The following GSN variants were observed in gnomAD, a reference collection of about 807,000 sequenced individuals.
GSN encodes the protein actin-depolymerizing factor.
In GSN, 56 loss-of-function variants were observed where a neutral mutation model predicts 85.7. The observed-to-expected ratio is 0.65, with a 90% CI of 0.53 to 0.82. GSN has a LOEUF of 0.82. Ranked by LOEUF, GSN falls within the 40% of genes least tolerant of loss-of-function variation. GSN has a pLI of 0.00. For missense variants in GSN, 857 were observed against 979.8 expected, an observed-to-expected ratio of 0.87 and a Z score of 1.67; for synonymous variants, 373 against 399.1, an observed-to-expected ratio of 0.93 and a Z score of 0.78.
rs766040410 is a variant in GSN at position 121,318,889 on chromosome 9, A to G, written c.1191+9A>G. On this transcript the variant is annotated intron_variant, in intron 10 of 17. Coordinates refer to ENST00000432226, the MANE Select transcript of GSN (RefSeq NM_198252.3). This position sits in a 1 kb window ranked among gnomAD's most constrained non-coding sequence, Gnocchi z 4.3. Reference sequence around the variant, plus strand: ...GCACAGGCCAGAAACAGGTACGTTTAGGGCGTGGGGTGGGTGTGTCCAGGC... The same window carrying G: ...GCACAGGCCAGAAACAGGTACGTTTGGGGCGTGGGGTGGGTGTGTCCAGGC... The G allele has an allele frequency of 1.9e-6, 3 of 1,608,530 alleles. No homozygotes were observed. Among genetic ancestry groups the G allele is most frequent in the Non-Finnish European group, 2.6e-6 (3 of 1,175,228 alleles).
At chr9:121,289,151 A>C (rs998030916) in intron 2 of GSN, among the ~76,000 whole-genome samples, 1 of 151,728 alleles carries the variant, frequency 6.6e-6, no homozygotes, top group Non-Finnish European at 1.5e-5. Context: ...CTCCTCACAA[A>C]GGCAGTCTGT....
chr9:121,236,377 G>A (rs2054492861), intron 5 of GSN, among the ~76,000 whole-genome samples: 1 of 151,800 alleles, frequency 6.6e-6, no homozygotes, highest in Non-Finnish European at 1.5e-5. Context: ...ACGCTACCAC[G>A]GCCGGCAAAT....
chr9:121,252,533 C>T (rs1342991992), intron 6 of GSN, among the ~76,000 whole-genome samples: 1 of 152,230 alleles, frequency 6.6e-6, no homozygotes, highest in Non-Finnish European at 1.5e-5. Context: ...GGAGGAACCA[C>T]ATGACTAGTT....
At chr9:121,236,687 A>C (rs2054500319) in intron 5 of GSN, among the ~76,000 whole-genome samples, 1 of 152,186 alleles carries the variant, frequency 6.6e-6, no homozygotes, top group Admixed American at 6.5e-5. Flanking sequence ...GAACAGAGAG[A>C]CCAAACAGTC....
At chr9:121,221,648 G>T (rs2054172078) in intron 4 of GSN, among the ~76,000 whole-genome samples, 2 of 152,150 alleles carry the variant, frequency 1.3e-5, no homozygotes, top group African/African-American at 4.8e-5. Flanking sequence ...CCCTCTGCCG[G>T]TTCCCTCCCC....
chr9:121,275,875 A>G (rs931010710), intron 1 of GSN, among the ~76,000 whole-genome samples: 14 of 152,230 alleles, frequency 9.2e-5, no homozygotes, highest in African/African-American at 3.4e-4. Flanking sequence ...GGGTTGCCTT[A>G]TTTAGCAAAT....
At chr9:121,207,903 T>A (rs1299936388) in intron 1 of GSN, 1 of 150,492 alleles carries the variant, frequency 6.6e-6, no homozygotes, top group African/African-American at 2.4e-5. Flanking sequence ...TACAGGTACG[T>A]ACCACCACAT....
upstream of GSN, among the ~76,000 whole-genome samples, chr9:121,267,362 G>A (rs955165813): frequency 3.3e-5 from 5 of 152,160 alleles, no homozygotes; most frequent in African/African-American, 1.2e-4. Flanking sequence ...TCCTAAAACA[G>A]TATCTGCCAT....
Position 121,324,571 on chromosome 9 carries a change from C to T in GSN, c.1343C>T (p.Thr448Ile). 1.3e-6 allele frequency: 2 copies of T among 1,539,140 alleles called. No homozygotes were observed. The highest frequency in any genetic ancestry group is 4.9e-5 in the East Asian group (2 of 40,952). Residue 448 changes from threonine to isoleucine, a missense_variant, in exon 12 of 18, where the codon ACC (threonine) becomes ATC (isoleucine). By Grantham distance (89) the Thr-to-Ile change is moderately conservative. Coordinates refer to ENST00000432226, the MANE Select transcript of GSN (RefSeq NM_198252.3). ...IIYNWQGAQS[T>I]QDEVAASAIL... Reference sequence around the variant, plus strand: ...CCTTCCAGGCAGGGTGCCCAGTCTACCCAGGATGAGGTCGCTGCATCTGCC... The same window carrying T: ...CCTTCCAGGCAGGGTGCCCAGTCTATCCAGGATGAGGTCGCTGCATCTGCC...
chr9:121,258,355 C>G (rs919452465), intron 6 of GSN, among the ~76,000 whole-genome samples: 2 of 152,026 alleles, frequency 1.3e-5, no homozygotes, highest in African/African-American at 2.4e-5. Context: ...CTCAGCTACT[C>G]AGGAGGCTGA....
chr9:121,299,692 C>T lies in GSN; in HGVS notation c.-9-2271C>T, dbSNP rs1265734825. On this transcript the variant is annotated intron_variant, in intron 2 of 17. Coordinates refer to ENST00000432226, the MANE Select transcript of GSN (RefSeq NM_198252.3). The surrounding 1 kb of genome is among the most constrained non-coding windows in gnomAD (Gnocchi z 4.2). ...GGGTGCAGGGGCTGCCGCGCCCTGT[C>T]GGGTCGATCCGGGTGGGAACCCAGA... 3.0e-5 allele frequency: 25 copies of T among 838,096 alleles called. No individual in the cohort carries two copies. Among genetic ancestry groups the T allele is most frequent in the Non-Finnish European group, 3.5e-5 (23 of 654,268 alleles). The allele number at this position is 838,096 out of a possible 1,614,324, so 51.9% of individuals were successfully genotyped here.
At chr9:121,285,680 T>G (rs1453770214) in intron 2 of GSN, 1 of 171,062 alleles carries the variant, frequency 5.8e-6, no homozygotes, top group Non-Finnish European at 1.3e-5. Context: ...ACCTGTTCAT[T>G]TCTCCCTGCT....
chr9:121,276,779 T>C (rs1015386654), intron 1 of GSN, among the ~76,000 whole-genome samples: 1 of 151,792 alleles, frequency 6.6e-6, no homozygotes, highest in Non-Finnish European at 1.5e-5. Context: ...CTGGTGGTGG[T>C]CGGGTCCTGT....
intron 14 of GSN, among the ~76,000 whole-genome samples, chr9:121,328,469 A>G (rs2063495906): frequency 6.6e-6 from 1 of 152,250 alleles, no homozygotes; most frequent in African/African-American, 2.4e-5. Context: ...AAATGGCTGC[A>G]CATGGACAGA....
chr9:121,267,414 G>C (rs905770321), upstream of GSN, among the ~76,000 whole-genome samples: 4 of 152,142 alleles, frequency 2.6e-5, no homozygotes, highest in African/African-American at 4.8e-5. Context: ...CAGAAGCCAC[G>C]GTCCCTGTCA....
At chr9:121,228,255 A>C (rs1186537573) in intron 4 of GSN, among the ~76,000 whole-genome samples, 2 of 151,734 alleles carry the variant, frequency 1.3e-5, no homozygotes, top group Admixed American at 1.3e-4. Flanking sequence ...TGCAGAGAGC[A>C]CATTTGTTGA....
chr9:121,243,627 G>T (rs2054646405), intron 5 of GSN, among the ~76,000 whole-genome samples: 1 of 152,198 alleles, frequency 6.6e-6, no homozygotes, highest in South Asian at 2.1e-4. Context: ...GCCCAGGCTG[G>T]AGTGCAATGG....
In GSN at chr9:121,332,456, C is replaced by T. The variant is rs2064053883; in HGVS notation, c.2049C>T (p.Asp683=). Residue 683 remains aspartate (D), a synonymous_variant, in exon 18 of 18, where the codon GAC becomes GAT. Coordinates refer to ENST00000432226, the MANE Select transcript of GSN (RefSeq NM_198252.3). This position sits in a 1 kb window ranked among gnomAD's most constrained non-coding sequence, Gnocchi z 4.8. ...CAGCTAAGCGGTACATCGAGACGGA[C>T]CCAGCCAATCGGGATCGGCGGACGC... ...LTSAKRYIET[D]PANRDRRTPI... The T allele has an allele frequency of 6.2e-7, 1 of 1,613,990 alleles. No individual in the cohort carries two copies. Among genetic ancestry groups the T allele is most frequent in the Admixed American group, 1.7e-5 (1 of 60,008 alleles).
intron 16 of GSN, among the ~76,000 whole-genome samples, chr9:121,330,402 A>G (rs2063753746): frequency 6.6e-6 from 1 of 152,126 alleles, no homozygotes; most frequent in African/African-American, 2.4e-5. Context: ...GTGAAACCCC[A>G]TCTCTACTAA....
Sources: allele counts gnomAD v4.1 joint callset (sites outside exome capture counted in the v4.1 genomes callset), GRCh38; gene constraint gnomAD v4.1.1; non-coding constraint Gnocchi (gnomAD v3.1); transcripts MANE v1.5; gene names NCBI Gene and HGNC (gene_info 2026-07-23, HGNC 2026-07-21).